Variants in LRP1B observed in about 807,000 individuals in gnomAD.
LRP1B encodes low-density lipoprotein receptor-related protein 1B.
In LRP1B, 217 loss-of-function variants were observed where a neutral mutation model predicts 556.6. The observed-to-expected ratio is 0.39, with a 90% CI of 0.35 to 0.44. The LOEUF (loss-of-function observed/expected upper bound fraction) is 0.44. Among genes scored for constraint, LRP1B ranks in the 20% least tolerant of loss-of-function variants. The pLI is 1.00. For synonymous variants in LRP1B, 2,047 were observed against 1,865.8 expected, an observed-to-expected ratio of 1.10 and a Z score of -2.50; for missense variants, 5,053 against 5,620.8, an observed-to-expected ratio of 0.90 and a Z score of 3.23.
In LRP1B at chr2:142,096,445, T is replaced by TC. The variant is rs1461543899; in HGVS notation, c.82+34202_82+34203insG. Among the ~76,000 whole-genome samples the TC allele has an allele frequency of 2.1e-4, 32 of 151,390 alleles. No homozygotes were observed. The Admixed American group carries it at 2.1e-3, about 10-fold the overall frequency. On this transcript the variant is annotated intron_variant, in intron 1 of 90. Transcript: ENST00000389484. ...GACCACGAAAATAAATTGTATTTTTTTTTTTTTACAAATTCTATTCTTCCA... is the reference window on the plus strand; with the variant it reads ...GACCACGAAAATAAATTGTATTTTTTCTTTTTTTACAAATTCTATTCTTCCA...
chr2:140,607,408 C>T (rs540659605), intron 41 of LRP1B, among the ~76,000 whole-genome samples: 8 of 152,112 alleles, frequency 5.3e-5, no homozygotes, highest in Non-Finnish European at 1.2e-4. Flanking sequence ...AGCTTTTCTA[C>T]TAGTAAATAT....
chr2:142,080,000 A>G (rs898798708), intron 1 of LRP1B, among the ~76,000 whole-genome samples: 2 of 152,056 alleles, frequency 1.3e-5, no homozygotes, highest in African/African-American at 2.4e-5. Context: ...TTTCCTTCCC[A>G]TATTAATTTT....
chr2:140,919,005 T>C (rs1026689520), intron 21 of LRP1B, among the ~76,000 whole-genome samples: 2 of 152,020 alleles, frequency 1.3e-5, no homozygotes, highest in African/African-American at 2.4e-5. Context: ...CTTAGTCATT[T>C]TGGGAGTAAT....
chr2:141,891,797 T>G (rs1699300447), intron 1 of LRP1B, among the ~76,000 whole-genome samples: 1 of 152,082 alleles, frequency 6.6e-6, no homozygotes, highest in South Asian at 2.1e-4. Flanking sequence ...AGCATTAGGG[T>G]AAAAAGGTCT....
At chr2:142,071,608 T>A (rs1705313849) in intron 1 of LRP1B, among the ~76,000 whole-genome samples, 1 of 152,158 alleles carries the variant, frequency 6.6e-6, no homozygotes, top group Middle Eastern at 3.4e-3. Context: ...TTGTGTGTTA[T>A]CTGTGGCTGC....
chr2:141,954,590 T>A (rs187592427), intron 1 of LRP1B, among the ~76,000 whole-genome samples: 2 of 152,242 alleles, frequency 1.3e-5, no homozygotes, highest in Non-Finnish European at 2.9e-5. Flanking sequence ...AATTAACATG[T>A]TTTCTGGAAC....
intron 37 of LRP1B, among the ~76,000 whole-genome samples, chr2:140,707,965 C>T (rs1333935689): frequency 6.6e-6 from 1 of 152,018 alleles, no homozygotes; most frequent in African/African-American, 2.4e-5. Context: ...GTGGTTGGTT[C>T]TCAAACTTAT....
rs780696467 is a variant in LRP1B, at chr2:140,813,732, G to T, written c.5284C>A (p.Leu1762Met). 6.2e-5 allele frequency: 100 copies of T among 1,610,226 alleles called. No homozygotes were observed. The highest frequency in any genetic ancestry group is 8.2e-5 in the Non-Finnish European group (96 of 1,176,760). The change falls in exon 32 of 91, where the codon CTG (leucine) becomes ATG (methionine). Residue 1762 changes from leucine to methionine, a missense_variant. Transcript: ENST00000389484. The stretch of plus-strand genomic sequence containing the variant: ...ATTACTTCTAAATTACCACCATCCA[G>T]GTTGCATCTATTTATGGTTCCATTC... ...SGNGTINRCN[L>M]DGGNLEVIES...
intron 7 of LRP1B, among the ~76,000 whole-genome samples, chr2:141,172,616 C>T (rs1296790991): frequency 1.3e-5 from 2 of 151,948 alleles, no homozygotes; most frequent in African/African-American, 4.8e-5. Context: ...CTATCAACAG[C>T]TTATTCACTA....
At chr2:142,087,263 G>C (rs1187747089) in intron 1 of LRP1B, among the ~76,000 whole-genome samples, 1 of 132,282 alleles carries the variant, frequency 7.6e-6, no homozygotes, top group East Asian at 2.2e-4. Context: ...AGGCTAGGAG[G>C]GAGAAGAGTA....
intron 11 of LRP1B, among the ~76,000 whole-genome samples, chr2:141,048,191 A>C (rs928149831): frequency 2.0e-5 from 3 of 152,136 alleles, no homozygotes; most frequent in Non-Finnish European, 4.4e-5. Context: ...TATTTCTAAA[A>C]TATTCAAGAA....
At chr2:140,315,301 T>C (rs769231246) in intron 82 of LRP1B, among the ~76,000 whole-genome samples, 32 of 152,192 alleles carry the variant, frequency 2.1e-4, no homozygotes, top group Non-Finnish European at 3.8e-4. Flanking sequence ...CATATTAAAT[T>C]AATGTGTATT....
chr2:141,257,136 G>C (rs889119746), intron 3 of LRP1B, among the ~76,000 whole-genome samples: 1 of 152,110 alleles, frequency 6.6e-6, no homozygotes. Flanking sequence ...AGCCTGTAAA[G>C]TGCACTAGGC....
At chr2:140,726,283 G>GT (rs1223915505) in intron 35 of LRP1B, among the ~76,000 whole-genome samples, 1 of 152,064 alleles carries the variant, frequency 6.6e-6, no homozygotes, top group Non-Finnish European at 1.5e-5. Context: ...TTTGGGGCTA[G>GT]TTTTTTCTCC....
chr2:141,575,594 T>TA lies in LRP1B; in HGVS notation c.206-95062dup, dbSNP rs544200012. 2.7e-3 allele frequency among the ~76,000 whole-genome samples: 405 copies of TA among 152,116 alleles called. 3 individuals carry two copies. The highest frequency in any genetic ancestry group is 4.8e-3 in the Non-Finnish European group (326 of 67,966). ...AGCAATTGCAACAAAAGCCAAAATT[T>TA]ACAAATGGGATCTAATTAAACTAAA... On this transcript the variant is annotated intron_variant, in intron 2 of 90. Coordinates refer to ENST00000389484, the MANE Select transcript of LRP1B (RefSeq NM_018557.3).
intron 11 of LRP1B, among the ~76,000 whole-genome samples, chr2:141,044,029 G>T (rs533959755): frequency 6.6e-6 from 1 of 151,786 alleles, no homozygotes; most frequent in Non-Finnish European, 1.5e-5. Flanking sequence ...ATACTACAAG[G>T]CTACAGTAAC....
At chr2:140,706,313 T>C (rs1021559742) in intron 37 of LRP1B, among the ~76,000 whole-genome samples, 2 of 152,130 alleles carry the variant, frequency 1.3e-5, no homozygotes, top group Non-Finnish European at 2.9e-5. Context: ...AAACTGATTT[T>C]AGAGTATCAG....
rs548325135 is a variant in LRP1B, at chr2:140,803,246, T to C, written c.5359+10411A>G. Among the ~76,000 whole-genome samples, 7 of 149,912 alleles carry C rather than the reference T, an allele frequency of 4.7e-5. No homozygotes were observed. The South Asian group carries it at 1.5e-3, about 32-fold the overall frequency. The stretch of plus-strand genomic sequence containing the variant: ...AGCCCTGAATAAAAGTGGTCAGTAT[T>C]AGTCCTATTGAAAGTTTTTTTTTTT... On this transcript the variant is annotated intron_variant, in intron 32 of 90. Coordinates refer to ENST00000389484, the MANE Select transcript of LRP1B (RefSeq NM_018557.3).
chr2:140,348,422 G>T (rs1361256137), intron 77 of LRP1B, among the ~76,000 whole-genome samples: 5 of 151,992 alleles, frequency 3.3e-5, no homozygotes, highest in Non-Finnish European at 5.9e-5. Context: ...TGGCTCAGAG[G>T]TTCCAAACTT....
Sources: allele counts gnomAD v4.1 joint callset (sites outside exome capture counted in the v4.1 genomes callset), GRCh38; gene constraint gnomAD v4.1.1; transcripts MANE v1.5; gene names NCBI Gene and HGNC (gene_info 2026-07-23, HGNC 2026-07-21).